MGST3: variants seen among roughly 807,000 people sequenced by gnomAD.
MGST3 encodes glutathione S-transferase 3, mitochondrial.
Under a neutral mutation model 15.8 loss-of-function variants are expected in MGST3, and 13 were observed. The observed-to-expected ratio is 0.82, with a 90% CI of 0.54 to 1.31. MGST3 has a LOEUF of 1.31. Among genes scored for constraint, MGST3 ranks in the 50% most tolerant of loss-of-function variants. The probability of loss-of-function intolerance (pLI) is 0.00; values close to 1 mark genes in which losing one functional copy is unlikely to be tolerated. For synonymous variants in MGST3, 49 were observed against 68.1 expected (o/e 0.72, Z 1.38); for missense variants, 155 against 192.4 (o/e 0.81, Z 1.15).
At chr1:165,635,826 C>T (rs1429825419) in intron 1 of MGST3, 1 of 152,184 alleles carries the variant, frequency 6.6e-6, no homozygotes, top group Non-Finnish European at 1.5e-5. Flanking sequence ...CTGTGAGGTA[C>T]TGTGAAAGAC....
chr1:165,644,813 C>G (rs967472663), intron 1 of MGST3, among the ~76,000 whole-genome samples: 2 of 152,068 alleles, frequency 1.3e-5, no homozygotes, highest in African/African-American at 4.8e-5. Flanking sequence ...GCCTGGAGTG[C>G]AGTGGTGCAA....
chr1:165,632,921 A>G (rs1033675890), intron 1 of MGST3, among the ~76,000 whole-genome samples: 2 of 152,200 alleles, frequency 1.3e-5, no homozygotes, highest in Non-Finnish European at 2.9e-5. Flanking sequence ...ATGTCAAATC[A>G]ATCTGTCAAA....
Position 165,649,930 on chromosome 1 carries a change from A to C in MGST3, c.83A>C (p.Asn28Thr), listed in dbSNP as rs747780889. Reference sequence around the variant, plus strand: ...ATAATGGTGGCCCACCTAGCCATCAATGTTTCCAAGGCCCGCAAGAAGTAC... The same window carrying C: ...ATAATGGTGGCCCACCTAGCCATCACTGTTTCCAAGGCCCGCAAGAAGTAC... ...SFIMVAHLAI[N>T]VSKARKKYKV... The change falls in exon 2 of 6, where the codon AAT (asparagine) becomes ACT (threonine). Residue 28 changes from asparagine to threonine, a missense_variant. By Grantham distance (65) the Asn-to-Thr change is moderately conservative (BLOSUM62 0). Transcript: ENST00000367889. The C allele has an allele frequency of 6.2e-7, 1 of 1,614,150 alleles. No homozygotes were observed. The highest frequency in any genetic ancestry group is 1.1e-5 in the South Asian group (1 of 91,084).
At chr1:165,632,600 A>G (rs1216581497) in intron 1 of MGST3, among the ~76,000 whole-genome samples, 1 of 152,208 alleles carries the variant, frequency 6.6e-6, no homozygotes, top group Non-Finnish European at 1.5e-5. Context: ...ATGTTACGGA[A>G]ATAGAAAACT....
At position 165,640,543 on chromosome 1, in the gene MGST3, T is replaced by C. The variant is rs78717576; in HGVS notation, c.-8+9250T>C. ...GGTCCTTGACCAACATCATCAGCAT[T>C]ACCTAGGAACTAGTTAGATATGATA... is the stretch of plus-strand genomic sequence containing the variant. On this transcript the variant is annotated intron_variant, in intron 1 of 5. Coordinates refer to ENST00000367889, the MANE Select transcript of MGST3 (RefSeq NM_004528.4). Among the ~76,000 whole-genome samples the C allele has an allele frequency of 9.8e-3, 1,491 of 152,230 alleles. 51 individuals are homozygous for C. The highest frequency in any genetic ancestry group is 0.059 in the Admixed American group (901 of 15,280).
Position 165,651,052 on chromosome 1 carries a change from C to T in MGST3, c.156C>T (p.His52=), listed in dbSNP as rs1443680281. Residue 52 remains histidine (H), a synonymous_variant, in exon 3 of 6, where the codon CAC becomes CAT. Coordinates refer to ENST00000367889, the MANE Select transcript of MGST3 (RefSeq NM_004528.4). ...ACAGCACGGACCCTGAAAATGGGCA[C>T]ATCTTCAACTGCATTCAGCGAGCCC... ...IMYSTDPENG[H]IFNCIQRAHQ... 2.5e-6 allele frequency: 4 copies of T among 1,614,202 alleles called. No individual in the cohort carries two copies. Among genetic ancestry groups the T allele is most frequent in the African/African-American group, 1.3e-5 (1 of 75,040 alleles).
chr1:165,642,846 C>T (rs1648295784), intron 1 of MGST3, among the ~76,000 whole-genome samples: 1 of 152,218 alleles, frequency 6.6e-6, no homozygotes, highest in Non-Finnish European at 1.5e-5. Context: ...CATTCAACTG[C>T]AAAGCTGTCT....
chr1:165,645,723 A>G (rs1403194719), intron 1 of MGST3: 1 of 152,204 alleles, frequency 6.6e-6, no homozygotes, highest in Non-Finnish European at 1.5e-5. Flanking sequence ...TCACTAAGCA[A>G]TAGGAATGTT....
At chr1:165,645,955 G>C (rs1648386193) in intron 1 of MGST3, 1 of 152,220 alleles carries the variant, frequency 6.6e-6, no homozygotes, top group South Asian at 2.1e-4. Flanking sequence ...AGAAAGGACT[G>C]TTTGGACTGT....
intron 1 of MGST3, among the ~76,000 whole-genome samples, chr1:165,638,809 A>AAAC (rs1553239480): frequency 6.6e-6 from 1 of 151,262 alleles, no homozygotes; most frequent in African/African-American, 2.4e-5. Context: ...AAAAAAAAAA[A>AAAC]CCCACATTCT....
chr1:165,650,828 A>G lies in MGST3; in HGVS notation c.118-186A>G. Reference sequence around the variant, plus strand: ...TCTTATTCCTGGATATTTAATAGAAACATTGACTCTGCTTCTGAGAATTGA... The same window carrying G: ...TCTTATTCCTGGATATTTAATAGAAGCATTGACTCTGCTTCTGAGAATTGA... On this transcript the variant is annotated intron_variant, in intron 2 of 5. Transcript: ENST00000367889. The G allele has an allele frequency of 6.4e-6, 4 of 625,700 alleles. No individual in the cohort carries two copies. The East Asian group carries it at 8.5e-5, about 13-fold the overall frequency. The allele number at this position is 625,700 out of a possible 1,614,324, so 38.8% of individuals were successfully genotyped here. A position where few individuals can be genotyped will look rare whatever the true frequency, so the allele number is the denominator to read the frequency against.
At chr1:165,654,217 GGTGT>G in intron 4 of MGST3, 58 bp from the exon 5 acceptor site, 1 of 1,484,140 alleles carries the variant, frequency 6.7e-7, no homozygotes, top group Non-Finnish European at 9.4e-7. Context: ...ATCAACCCTA[GGTGT>G]TAAAAAAGGT....
At chr1:165,650,197 C>T in intron 2 of MGST3, 1 of 560,186 alleles carries the variant, frequency 1.8e-6, no homozygotes, top group Non-Finnish European at 3.2e-6. Context: ...GGTAGAAAGA[C>T]CAGGAATGCT....
Position 165,644,365 on chromosome 1 carries a change from A to G in MGST3, c.-7-5476A>G, listed in dbSNP as rs571043544. ...ACTGAATACCATAGGCAATTGTAACATAGTGGTATGTATTTGTGTGTCTAA... is the reference window on the plus strand; with the variant it reads ...ACTGAATACCATAGGCAATTGTAACGTAGTGGTATGTATTTGTGTGTCTAA... On this transcript the variant is annotated intron_variant, in intron 1 of 5. Coordinates refer to ENST00000367889, the MANE Select transcript of MGST3 (RefSeq NM_004528.4). Among the ~76,000 whole-genome samples the G allele has an allele frequency of 5.3e-5, 8 of 152,354 alleles. 1 individual carries two copies. The South Asian group carries it at 1.4e-3, about 28-fold the overall frequency.
chr1:165,650,925 T>G, intron 2 of MGST3, 89 bp from the exon 3 acceptor site: 1 of 1,100,924 alleles, frequency 9.1e-7, no homozygotes, highest in South Asian at 1.2e-5. Flanking sequence ...GAAGATACTT[T>G]GGAATATATT....
chr1:165,647,762 C>A (rs1648446350), intron 1 of MGST3: 1 of 151,778 alleles, frequency 6.6e-6, no homozygotes, highest in Non-Finnish European at 1.5e-5. Flanking sequence ...TGCTCTGTTG[C>A]CCCATGCTGC....
intron 1 of MGST3, chr1:165,635,969 T>C (rs1426770105): frequency 6.6e-6 from 1 of 152,208 alleles, no homozygotes; most frequent in Non-Finnish European, 1.5e-5. Context: ...GCAATGCAAT[T>C]GTCGGGGGAT....
intron 1 of MGST3, among the ~76,000 whole-genome samples, chr1:165,639,489 G>A (rs1401784746): frequency 6.6e-6 from 1 of 152,162 alleles, no homozygotes; most frequent in Non-Finnish European, 1.5e-5. Flanking sequence ...TCTAAACTCT[G>A]TTACAGTGCC....
intron 5 of MGST3, 71 bp from the exon 6 acceptor site, chr1:165,655,297 G>A: frequency 6.3e-7 from 1 of 1,582,664 alleles, no homozygotes; most frequent in Non-Finnish European, 8.6e-7. Flanking sequence ...ATGATAGAAT[G>A]GCTTGCGAAT....
Sources: gnomAD v4.1 joint callset for allele counts (sites outside exome capture counted in the v4.1 genomes callset) on GRCh38, gnomAD v4.1.1 for gene constraint, MANE v1.5 for transcripts, NCBI Gene and HGNC (gene_info 2026-07-23, HGNC 2026-07-21) for gene names.